The following MALT1 variants were observed in gnomAD, a reference collection of about 807,000 sequenced individuals.
The protein encoded by MALT1 is MALT1 paracaspase, also known as mucosa-associated lymphoid tissue lymphoma translocation protein 1.
MALT1 carries 36 observed loss-of-function variants against 85.5 expected under a neutral mutation model. The observed-to-expected ratio is 0.42, with a 90% CI of 0.32 to 0.56. The LOEUF (loss-of-function observed/expected upper bound fraction) is 0.56, where lower values mean the gene tolerates loss of function less well. Among genes scored for constraint, MALT1 ranks in the 20% least tolerant of loss-of-function variants. The probability of loss-of-function intolerance (pLI) is 0.10; values close to 1 mark genes in which losing one functional copy is unlikely to be tolerated. For missense variants in MALT1, 716 were observed against 981.6 expected, an observed-to-expected ratio of 0.73 and a Z score of 3.62; for synonymous variants, 359 against 361.3, an observed-to-expected ratio of 0.99 and a Z score of 0.07.
At chr18:58,733,369 ATCTC>A (rs753576937) in intron 10 of MALT1, 24 bp from the exon 11 acceptor site, 52 of 1,467,912 alleles carry the variant, frequency 3.5e-5, no homozygotes, top group South Asian at 1.2e-4. Context: ...ATTGACATCT[ATCTC>A]TCTCTTATTT....
intron 14 of MALT1, 122 bp from the exon 15 acceptor site, chr18:58,744,210 TTGTATG>T: frequency 1.9e-6 from 1 of 516,650 alleles, no homozygotes; most frequent in Non-Finnish European, 3.3e-6. Flanking sequence ...ATTTTTTAAA[TTGTATG>T]TGTTTAAACA....
intron 15 of MALT1, among the ~76,000 whole-genome samples, chr18:58,744,945 A>C (rs975379952): frequency 6.6e-6 from 1 of 151,798 alleles, no homozygotes; most frequent in Non-Finnish European, 1.5e-5. Context: ...GAAGCCAGTA[A>C]ATAGTACCCC....
In MALT1 at chr18:58,748,068, T is replaced by C; in HGVS notation, c.*226T>C. The C allele has an allele frequency of 1.9e-6, 1 of 524,860 alleles. No individual in the cohort carries two copies. The highest frequency in any genetic ancestry group is 5.3e-4 in the Middle Eastern group (1 of 1,896). 32.5% of individuals were successfully genotyped at this position (524,860 alleles called of 1,614,324 possible). The stretch of plus-strand genomic sequence containing the variant: ...AATTGGTTGAATAGTTCTATACAAA[T>C]GAAGTATGGAGGTGTGTATGTTTAT... On this transcript the variant is annotated 3_prime_UTR_variant, in exon 17 of 17. Transcript: ENST00000649217.
At chr18:58,704,680 G>A (rs931468093) in intron 4 of MALT1, among the ~76,000 whole-genome samples, 1 of 152,122 alleles carries the variant, frequency 6.6e-6, no homozygotes, top group African/African-American at 2.4e-5. Flanking sequence ...CTGGTCTCAA[G>A]CGATCCGCCC....
Position 58,730,713 on chromosome 18 carries a change from C to A in MALT1, c.1223-2684C>A, listed in dbSNP as rs116278271. Among the ~76,000 whole-genome samples, 637 of 152,294 alleles carry A rather than the reference C, an allele frequency of 4.2e-3. 7 individuals are homozygous for A. Among genetic ancestry groups the A allele is most frequent in the African/African-American group, 0.014 (589 of 41,558 alleles). On this transcript the variant is annotated intron_variant, in intron 10 of 16. Coordinates refer to ENST00000649217, the MANE Select transcript of MALT1 (RefSeq NM_006785.4). ...TTTTTGAGGAACTGCAAAACTCTTT[C>A]CAAAGTTCTTACACCATTTTACATT... is the stretch of plus-strand genomic sequence containing the variant.
chr18:58,695,774 C>T (rs1251058392), intron 2 of MALT1, among the ~76,000 whole-genome samples: 1 of 152,190 alleles, frequency 6.6e-6, no homozygotes, highest in Non-Finnish European at 1.5e-5. Flanking sequence ...GTTATTACAG[C>T]GGCATTAATT....
At chr18:58,737,215 C>T (rs893064661) in intron 13 of MALT1, among the ~76,000 whole-genome samples, 3 of 152,072 alleles carry the variant, frequency 2.0e-5, no homozygotes, top group South Asian at 2.1e-4. Flanking sequence ...TACAGTGGCT[C>T]ATGCCTGTAA....
chr18:58,742,345 G>A (rs959244162), intron 14 of MALT1, among the ~76,000 whole-genome samples: 3 of 152,112 alleles, frequency 2.0e-5, no homozygotes, highest in Non-Finnish European at 4.4e-5. Context: ...CGAAAATCAT[G>A]GATTGGGTTC....
chr18:58,728,343 C>T (rs558074411), intron 10 of MALT1, among the ~76,000 whole-genome samples: 1 of 152,298 alleles, frequency 6.6e-6, no homozygotes, highest in South Asian at 2.1e-4. Context: ...CGGTGGCTCA[C>T]ACCTATAATC....
rs2055473323 is a variant in MALT1 at position 58,753,375 on chromosome 18, G to A, written c.*5533G>A. ...CGCCCAGCTAATTTTTGTAGTTTTAGTAGTATCTACTAAAATAAACAGGGT... is the reference window on the plus strand; with the variant it reads ...CGCCCAGCTAATTTTTGTAGTTTTAATAGTATCTACTAAAATAAACAGGGT... On this transcript the variant is annotated 3_prime_UTR_variant, in exon 17 of 17. Transcript: ENST00000649217. 6.6e-6 allele frequency: 1 copy of A among 152,080 alleles called. No homozygotes were observed. The allele number at this position is 152,080 out of a possible 1,614,324, so 9.4% of individuals were successfully genotyped here. A position where few individuals can be genotyped will look rare whatever the true frequency, so the allele number is the denominator to read the frequency against.
At position 58,749,806 on chromosome 18, in the gene MALT1, T is replaced by C. The variant is rs113711732; in HGVS notation, c.*1964T>C. The C allele has an allele frequency of 0.015, 3,111 of 211,544 alleles. 38 individuals are homozygous for C. The highest frequency in any genetic ancestry group is 0.029 in the South Asian group (157 of 5,326). 13.1% of individuals were successfully genotyped at this position (211,544 alleles called of 1,614,324 possible). On this transcript the variant is annotated 3_prime_UTR_variant, in exon 17 of 17. Transcript: ENST00000649217. ...TAGGAATAAAAGGAATCTTCCTAGA[T>C]ATGATAAATATAACATCTATGAAAA...
At chr18:58,714,053 C>G in intron 7 of MALT1, 30 bp from the exon 8 acceptor site, 1 of 1,074,268 alleles carries the variant, frequency 9.3e-7, no homozygotes, top group East Asian at 2.5e-5. Context: ...GTTTAGATTA[C>G]TTAATCTATT....
rs376666120 is a variant in MALT1 at position 58,742,018 on chromosome 18, C to T, written c.1753+4C>T. The T allele has an allele frequency of 8.8e-5, 130 of 1,482,704 alleles. No homozygotes were observed. Among genetic ancestry groups the T allele is most frequent in the African/African-American group, 4.8e-4 (35 of 73,058 alleles). 91.8% of individuals were successfully genotyped at this position (1,482,704 alleles called of 1,614,324 possible). A position where few individuals can be genotyped will look rare whatever the true frequency, so the allele number is the denominator to read the frequency against. On this transcript the variant is annotated splice_donor_region_variant and intron_variant, in intron 14 of 16. Transcript: ENST00000649217. ...CTACAGTGGGCCAAGGCTCATGGTA[C>T]GGTAAAGCCCATTTTTTGTTAGATC...
intron 8 of MALT1, among the ~76,000 whole-genome samples, 158 bp downstream of exon 8, chr18:58,714,267 A>G (rs1333246360): frequency 6.6e-6 from 1 of 152,200 alleles, no homozygotes; most frequent in Non-Finnish European, 1.5e-5. Context: ...ATGAAGTACA[A>G]TTTTATACAA....
chr18:58,728,615 A>ATAATT (rs1439743797), intron 10 of MALT1, among the ~76,000 whole-genome samples: 6 of 152,194 alleles, frequency 3.9e-5, no homozygotes, highest in African/African-American at 1.4e-4. Context: ...AAATAAATAA[A>ATAATT]TAAATAAATT....
rs181963964 is a variant in MALT1, at chr18:58,739,669, C to T, written c.1604-2196C>T. 1.6e-3 allele frequency among the ~76,000 whole-genome samples: 250 copies of T among 152,270 alleles called. 1 individual carries two copies. Among genetic ancestry groups the T allele is most frequent in the Non-Finnish European group, 2.6e-4 (18 of 68,010 alleles). On this transcript the variant is annotated intron_variant, in intron 13 of 16. Coordinates refer to ENST00000649217, the MANE Select transcript of MALT1 (RefSeq NM_006785.4). ...ACAAGCATGGAGTTTGCTAGCAGCC[C>T]GCCTCTGGGGCTCAAACTACAACTC...
chr18:58,743,212 T>G (rs2144486968), intron 14 of MALT1, among the ~76,000 whole-genome samples: 1 of 152,140 alleles, frequency 6.6e-6, no homozygotes, highest in South Asian at 2.1e-4. Flanking sequence ...CCATCTCTAC[T>G]AAAAATACAA....
At chr18:58,744,035 T>C (rs2055334901) in intron 14 of MALT1, among the ~76,000 whole-genome samples, 1 of 138,424 alleles carries the variant, frequency 7.2e-6, no homozygotes, top group Non-Finnish European at 1.6e-5. Context: ...ACATTGTGCT[T>C]TATTAAAAAT....
chr18:58,695,235 A>G (rs1007862204), intron 2 of MALT1, among the ~76,000 whole-genome samples: 1 of 152,226 alleles, frequency 6.6e-6, no homozygotes, highest in African/African-American at 2.4e-5. Flanking sequence ...TGCCTTTATC[A>G]GGAGTGTGAA....
Sources: allele counts gnomAD v4.1 joint callset (sites outside exome capture counted in the v4.1 genomes callset), GRCh38; gene constraint gnomAD v4.1.1; transcripts MANE v1.5; gene names NCBI Gene and HGNC (gene_info 2026-07-23, HGNC 2026-07-21).